The following BTNL3 variants were observed in gnomAD, a reference collection of about 807,000 sequenced individuals.
BTNL3 encodes butyrophilin-like protein 3.
Under a neutral mutation model 40.1 loss-of-function variants are expected in BTNL3, and 20 were observed. The ratio of observed to expected loss-of-function variants is 0.50; its 90% CI spans 0.35 to 0.72. The LOEUF is 0.72. Among genes scored for constraint, BTNL3 ranks in the 30% least tolerant of loss-of-function variants. The pLI is 0.01. For synonymous variants in BTNL3, 179 were observed against 222.1 expected (o/e 0.81, Z 1.73); for missense variants, 449 against 582.2 (o/e 0.77, Z 2.35).
chr5:181,006,124 C>T lies in BTNL3; in HGVS notation c.*252C>T, dbSNP rs1050070501. Reference sequence around the variant, plus strand: ...AGCCATGGCTGCCCTGAAGTGGGGACGGAATAGACTCACATTAGGTTTAGT... The same window carrying T: ...AGCCATGGCTGCCCTGAAGTGGGGATGGAATAGACTCACATTAGGTTTAGT... On this transcript the variant is annotated 3_prime_UTR_variant, in exon 8 of 8. Transcript: ENST00000342868. 35 of 483,954 alleles carry T rather than the reference C, an allele frequency of 7.2e-5. No individual in the cohort carries two copies. In the South Asian group the frequency reaches 8.9e-4, roughly 12 times the overall value. The allele number at this position is 483,954 out of a possible 1,614,324, so 30.0% of individuals were successfully genotyped here. A position where few individuals can be genotyped will look rare whatever the true frequency, so the allele number is the denominator to read the frequency against.
At chr5:180,993,739 A>C (rs1206565728) in intron 2 of BTNL3, among the ~76,000 whole-genome samples, 1 of 137,242 alleles carries the variant, frequency 7.3e-6, no homozygotes, top group African/African-American at 2.5e-5. Flanking sequence ...ATACATAAGC[A>C]CTATATCAGA....
At position 181,006,011 on chromosome 5, in the gene BTNL3, G is replaced by GA; in HGVS notation, c.*139_*140insA. On this transcript the variant is annotated 3_prime_UTR_variant, in exon 8 of 8. Transcript: ENST00000342868. ...CACGCCCCCCACTCTCCTTTAGGGA[G>GA]CTGAGGTTCTTCTGCCCTGAGCCCT... 1 of 983,764 alleles carries GA rather than the reference G, an allele frequency of 1.0e-6. No individual in the cohort carries two copies. Among genetic ancestry groups the GA allele is most frequent in the Non-Finnish European group, 1.5e-6 (1 of 689,024 alleles). 60.9% of individuals were successfully genotyped at this position (983,764 alleles called of 1,614,324 possible).
At chr5:181,005,101 G>C (rs900381880) in intron 7 of BTNL3, among the ~76,000 whole-genome samples, 10 of 152,204 alleles carry the variant, frequency 6.6e-5, no homozygotes, top group African/African-American at 2.2e-4. Flanking sequence ...AAGTCAAATA[G>C]AGGGCTTACG....
At chr5:181,002,847 A>G (rs1760148066) in intron 4 of BTNL3, 62 bp downstream of exon 4, 2 of 1,414,978 alleles carry the variant, frequency 1.4e-6, no homozygotes, top group African/African-American at 2.8e-5. Flanking sequence ...AGCTGATATC[A>G]GGCTGCCCTC....
rs1422796697 is a variant in BTNL3, at chr5:180,989,857, G to T, written c.49+780G>T. ...CAAAGCCAACAAAACAGAAATAAGG[G>T]GATCAAAATCCATGTGTGCTCAGAG... On this transcript the variant is annotated intron_variant, in intron 1 of 7. Transcript: ENST00000342868. Among the ~76,000 whole-genome samples the T allele has an allele frequency of 1.5e-5, 2 of 136,256 alleles. 1 individual carries two copies. Among genetic ancestry groups the T allele is most frequent in the Non-Finnish European group, 3.4e-5 (2 of 59,512 alleles). 89.4% of individuals were successfully genotyped at this position (136,256 alleles called of 152,430 possible). A position where few individuals can be genotyped will look rare whatever the true frequency, so the allele number is the denominator to read the frequency against.
intron 3 of BTNL3, among the ~76,000 whole-genome samples, chr5:181,000,606 A>G (rs2113083600): frequency 7.5e-6 from 1 of 133,442 alleles, no homozygotes; most frequent in East Asian, 2.2e-4. Flanking sequence ...GGAGATCGAG[A>G]CCATCCTGGC....
In BTNL3 at chr5:180,991,388, A is replaced by G. The variant is rs901134777; in HGVS notation, c.50-1425A>G. 8.7e-5 allele frequency among the ~76,000 whole-genome samples: 12 copies of G among 137,352 alleles called. 1 individual carries two copies. Among genetic ancestry groups the G allele is most frequent in the African/African-American group, 3.0e-4 (12 of 39,824 alleles). 90.1% of individuals were successfully genotyped at this position (137,352 alleles called of 152,430 possible). ...AGATACCACACACAGATATATCCAT[A>G]TACCATAAATGGATACATGTGAATG... is the stretch of plus-strand genomic sequence containing the variant. On this transcript the variant is annotated intron_variant, in intron 1 of 7. Transcript: ENST00000342868.
At chr5:181,004,111 C>A in intron 5 of BTNL3, 1 of 1,366,764 alleles carries the variant, frequency 7.3e-7, no homozygotes, top group South Asian at 1.4e-5. Context: ...TGCCTGTTGC[C>A]CGTTGGTTTG....
At chr5:180,999,537 T>C (rs1021930761) in intron 3 of BTNL3, among the ~76,000 whole-genome samples, 9 of 137,172 alleles carry the variant, frequency 6.6e-5, no homozygotes, top group African/African-American at 2.3e-4. Context: ...CAGTGGCTCA[T>C]GCCTGTAGTC....
chr5:180,993,848 T>C lies in BTNL3; in HGVS notation c.397+688T>C, dbSNP rs891480170. On this transcript the variant is annotated intron_variant, in intron 2 of 7. Coordinates refer to ENST00000342868, the MANE Select transcript of BTNL3 (RefSeq NM_197975.3). ...GACAGTCTTGTCCCGTCACCCAGGCTGGAGTGCAGTGGTGTGATCTCAGCT... is the reference window on the plus strand; with the variant it reads ...GACAGTCTTGTCCCGTCACCCAGGCCGGAGTGCAGTGGTGTGATCTCAGCT... Among the ~76,000 whole-genome samples, 10 of 137,498 alleles carry C rather than the reference T, an allele frequency of 7.3e-5. 3 individuals are homozygous for C. The South Asian group carries it at 1.5e-3, about 21-fold the overall frequency. 90.2% of individuals were successfully genotyped at this position (137,498 alleles called of 152,430 possible).
At chr5:180,999,917 G>C (rs1760083702) in intron 3 of BTNL3, among the ~76,000 whole-genome samples, 1 of 136,542 alleles carries the variant, frequency 7.3e-6, no homozygotes, top group African/African-American at 2.5e-5. Context: ...CTTCCCACAA[G>C]GAAGACACAA....
rs369735104 is a variant in BTNL3, at chr5:180,995,058, A to G, written c.397+1898A>G. Among the ~76,000 whole-genome samples the G allele has an allele frequency of 1.1e-4, 15 of 136,538 alleles. 1 individual carries two copies. The highest frequency in any genetic ancestry group is 6.5e-4 in the East Asian group (3 of 4,650). The allele number at this position is 136,538 out of a possible 152,430, so 89.6% of individuals were successfully genotyped here. A position where few individuals can be genotyped will look rare whatever the true frequency, so the allele number is the denominator to read the frequency against. On this transcript the variant is annotated intron_variant, in intron 2 of 7. Transcript: ENST00000342868. ...CGCCTTGGCCTCCCAAAGTGCTGGG[A>G]TTACAGGCCTGAGCCACCATGCCAG...
rs780363306 is a variant in BTNL3, at chr5:180,992,923, C to T, written c.160C>T (p.Arg54Trp). Residue 54 changes from arginine to tryptophan, a missense_variant, in exon 2 of 8, where the codon CGG becomes TGG. This residue lies in a region of BTNL3 where 323 missense variants were observed against 464.9 expected (regional missense o/e 0.69). Coordinates refer to ENST00000342868, the MANE Select transcript of BTNL3 (RefSeq NM_197975.3). ...GACCAGTGCAGAGGCTATGGAAGTG[C>T]GGTTCTTCAGGAATCAGTTCCATGC... ...PETSAEAMEV[R>W]FFRNQFHAVV... 1.2e-5 allele frequency: 18 copies of T among 1,463,150 alleles called. 2 individuals are homozygous for T. The highest frequency in any genetic ancestry group is 5.6e-5 in the Admixed American group (3 of 53,208). 90.6% of individuals were successfully genotyped at this position (1,463,150 alleles called of 1,614,324 possible). A position where few individuals can be genotyped will look rare whatever the true frequency, so the allele number is the denominator to read the frequency against.
rs1409755054 is a variant in BTNL3, at chr5:180,989,768, T to C, written c.49+691T>C. ...AAGCCACAAAAAGTTCATTTGACTG[T>C]GTTCACTTTCTGTCTGGAACAGTTC... On this transcript the variant is annotated intron_variant, in intron 1 of 7. Coordinates refer to ENST00000342868, the MANE Select transcript of BTNL3 (RefSeq NM_197975.3). Among the ~76,000 whole-genome samples, 4 of 136,690 alleles carry C rather than the reference T, an allele frequency of 2.9e-5. 1 individual carries two copies. Among genetic ancestry groups the C allele is most frequent in the African/African-American group, 1.0e-4 (4 of 39,764 alleles). 89.7% of individuals were successfully genotyped at this position (136,690 alleles called of 152,430 possible).
At position 181,000,679 on chromosome 5, in the gene BTNL3, G is replaced by A. The variant is rs12519949; in HGVS notation, c.674-1993G>A. On this transcript the variant is annotated intron_variant, in intron 3 of 7. Transcript: ENST00000342868. ...AAATTAGCCGGGCGCGGTGGCGGGC[G>A]CCTGTAGTCCCAGCTACTCGGGAGG... Among the ~76,000 whole-genome samples the A allele has an allele frequency of 2.3e-4, 30 of 131,788 alleles. 6 individuals carry two copies. Among genetic ancestry groups the A allele is most frequent in the Admixed American group, 1.8e-3 (22 of 12,268 alleles). 86.5% of individuals were successfully genotyped at this position (131,788 alleles called of 152,430 possible).
In BTNL3 at chr5:180,997,082, G is replaced by A. The variant is rs1174414402; in HGVS notation, c.398-131G>A. 8 of 1,218,902 alleles carry A rather than the reference G, an allele frequency of 6.6e-6. 1 individual carries two copies. The African/African-American group carries it at 1.2e-4, about 18-fold the overall frequency. 75.5% of individuals were successfully genotyped at this position (1,218,902 alleles called of 1,614,324 possible). ...GTAAGAGACAGAGAGAAAAGGATGT[G>A]TGTGTGTGAGAGAGAGAGAGAGAGA... On this transcript the variant is annotated intron_variant, in intron 2 of 7. Coordinates refer to ENST00000342868, the MANE Select transcript of BTNL3 (RefSeq NM_197975.3).
Position 181,005,973 on chromosome 5 carries a change from G to A in BTNL3, c.*101G>A. The A allele has an allele frequency of 1.5e-6, 2 of 1,313,906 alleles. No homozygotes were observed. Among genetic ancestry groups the A allele is most frequent in the East Asian group, 2.5e-5 (1 of 39,692 alleles). 81.4% of individuals were successfully genotyped at this position (1,313,906 alleles called of 1,614,324 possible). On this transcript the variant is annotated 3_prime_UTR_variant, in exon 8 of 8. Coordinates refer to ENST00000342868, the MANE Select transcript of BTNL3 (RefSeq NM_197975.3). ...GGCCCCAGCTTCCTCTCCGGAGCCT[G>A]CGCACAGAGAGTCACGCCCCCCACT... is the stretch of plus-strand genomic sequence containing the variant.
rs573867040 is a variant in BTNL3, at chr5:181,004,725, C to A, written c.836-11C>A. The A allele has an allele frequency of 6.2e-7, 1 of 1,614,216 alleles. No individual in the cohort carries two copies. The highest frequency in any genetic ancestry group is 8.5e-7 in the Non-Finnish European group (1 of 1,180,044). ...AGCACGGAACTGCCTGCTCTCTCTGCTTGCTTTCAGAATTGAGAGACGCCC... is the reference window on the plus strand; with the variant it reads ...AGCACGGAACTGCCTGCTCTCTCTGATTGCTTTCAGAATTGAGAGACGCCC... On this transcript the variant is annotated splice_polypyrimidine_tract_variant and intron_variant, in intron 6 of 7. Coordinates refer to ENST00000342868, the MANE Select transcript of BTNL3 (RefSeq NM_197975.3).
At chr5:181,000,075 G>C (rs1561960034) in intron 3 of BTNL3, among the ~76,000 whole-genome samples, 1 of 135,508 alleles carries the variant, frequency 7.4e-6, no homozygotes, top group African/African-American at 2.5e-5. Flanking sequence ...TAAGAGAAAT[G>C]GGCAATTCAA....
Sources: gnomAD v4.1 joint callset for allele counts (sites outside exome capture counted in the v4.1 genomes callset) on GRCh38, gnomAD v4.1.1 for gene constraint, gnomAD v4.1.1 regional missense constraint, MANE v1.5 for transcripts, NCBI Gene and HGNC (gene_info 2026-07-23, HGNC 2026-07-21) for gene names.